The following NTM variants were observed in gnomAD, a reference collection of about 807,000 sequenced individuals.
NTM encodes the protein neurotrimin, also known as IgLON family member 2.
Under a neutral mutation model 42.1 loss-of-function variants are expected in NTM, and 13 were observed. The ratio of observed to expected loss-of-function variants is 0.31; its 90% CI spans 0.20 to 0.49. The LOEUF (loss-of-function observed/expected upper bound fraction) is 0.49, where lower values mean the gene tolerates loss of function less well. Ranked by LOEUF, NTM falls within the 20% of genes least tolerant of loss-of-function variation. NTM has a pLI of 0.99. For missense variants in NTM, 373 were observed against 452.8 expected, an observed-to-expected ratio of 0.82 and a Z score of 1.60; for synonymous variants, 187 against 179.2, an observed-to-expected ratio of 1.04 and a Z score of -0.35.
chr11:132,307,744 G>A lies in NTM; in HGVS notation c.582G>A (p.Glu194=), dbSNP rs188039594. The A allele has an allele frequency of 3.6e-5, 58 of 1,614,206 alleles. No individual in the cohort carries two copies. The highest frequency in any genetic ancestry group is 1.2e-4 in the Admixed American group (7 of 60,030). The change falls in exon 5 of 9, where the codon GAG becomes GAA. Residue 194 remains glutamate, a synonymous_variant. Transcript: ENST00000683400. Reference sequence around the variant, plus strand: ...TGGAAATTCAGGGCATCACCAGGGAGCAGTCAGGGGACTACGAGTGCAGTG... The same window carrying A: ...TGGAAATTCAGGGCATCACCAGGGAACAGTCAGGGGACTACGAGTGCAGTG... ...EYLEIQGITR[E]QSGDYECSAS... is the part of the protein sequence containing the mutation.
chr11:131,381,318 CT>C (rs1942651210), intron 1 of NTM, among the ~76,000 whole-genome samples: 6 of 152,180 alleles, frequency 3.9e-5, no homozygotes, highest in Admixed American at 6.5e-5. Context: ...CACTAGAGTA[CT>C]TGACTTTCTT....
At chr11:132,190,238 T>C (rs2079082373) in intron 3 of NTM, among the ~76,000 whole-genome samples, 2 of 152,114 alleles carry the variant, frequency 1.3e-5, no homozygotes, top group South Asian at 4.1e-4. Flanking sequence ...GAGAGTGTCA[T>C]GAGCCATACT....
At chr11:131,432,077 C>T (rs1222299865) in intron 1 of NTM, among the ~76,000 whole-genome samples, 1 of 152,082 alleles carries the variant, frequency 6.6e-6, no homozygotes, top group African/African-American at 2.4e-5. Flanking sequence ...AAGATTTAGC[C>T]CTCTGCATTT....
intron 1 of NTM, among the ~76,000 whole-genome samples, chr11:131,866,759 A>G (rs577237107): frequency 6.6e-6 from 1 of 152,338 alleles, no homozygotes; most frequent in Admixed American, 6.5e-5. Flanking sequence ...GCAGCTATTA[A>G]GAGATGTGAC....
chr11:131,816,920 C>T (rs2092976426), intron 1 of NTM, among the ~76,000 whole-genome samples: 1 of 152,146 alleles, frequency 6.6e-6, no homozygotes, highest in South Asian at 2.1e-4. Context: ...TACATGTATT[C>T]TGAGTGGGTT....
chr11:131,706,597 A>C (rs1197048733), intron 1 of NTM, among the ~76,000 whole-genome samples: 1 of 152,060 alleles, frequency 6.6e-6, no homozygotes, highest in African/African-American at 2.4e-5. Flanking sequence ...CCTTCAATCA[A>C]GTCTTAAACA....
At chr11:131,683,420 G>C (rs2073317261) in intron 1 of NTM, among the ~76,000 whole-genome samples, 2 of 152,318 alleles carry the variant, frequency 1.3e-5, no homozygotes, top group South Asian at 4.1e-4. Flanking sequence ...TCCCCTCTTG[G>C]GAAATGAAGG....
At chr11:131,468,171 C>T (rs1565533160) in intron 1 of NTM, among the ~76,000 whole-genome samples, 2 of 152,186 alleles carry the variant, frequency 1.3e-5, no homozygotes, top group Non-Finnish European at 2.9e-5. Context: ...CTTTGCCTGC[C>T]CCCCTTCCTG....
chr11:131,970,718 A>G (rs1224493419), intron 2 of NTM, among the ~76,000 whole-genome samples: 1 of 151,992 alleles, frequency 6.6e-6, no homozygotes, highest in African/African-American at 2.4e-5. Context: ...ATTCTTCATT[A>G]TTTTTACCAC....
At chr11:131,492,775 C>T (rs899673597) in intron 1 of NTM, among the ~76,000 whole-genome samples, 5 of 152,120 alleles carry the variant, frequency 3.3e-5, no homozygotes, top group African/African-American at 4.8e-5. Context: ...ATGATGTGAA[C>T]GTTAATTTGC....
At chr11:132,196,270 T>A (rs1215884256) in intron 3 of NTM, among the ~76,000 whole-genome samples, 2 of 152,140 alleles carry the variant, frequency 1.3e-5, no homozygotes, top group East Asian at 1.9e-4. Flanking sequence ...CCAGTCAGAA[T>A]GCTATTATTA....
At chr11:132,044,203 TG>T (rs902350275) in intron 2 of NTM, among the ~76,000 whole-genome samples, 2 of 151,898 alleles carry the variant, frequency 1.3e-5, no homozygotes, top group Non-Finnish European at 2.9e-5. Flanking sequence ...ATCATTTAAA[TG>T]GGTCTTATGC....
chr11:132,012,982 T>C (rs1256454913), intron 2 of NTM, among the ~76,000 whole-genome samples: 1 of 152,120 alleles, frequency 6.6e-6, no homozygotes, highest in African/African-American at 2.4e-5. Context: ...ATTTTGGACT[T>C]ACTGTGTTTG....
chr11:132,275,380 T>C (rs959825306), intron 4 of NTM, among the ~76,000 whole-genome samples: 1 of 152,112 alleles, frequency 6.6e-6, no homozygotes, highest in African/African-American at 2.4e-5. Flanking sequence ...AACTATTCTC[T>C]TCCATCAATG....
At chr11:131,843,708 G>A (rs773285385) in intron 1 of NTM, among the ~76,000 whole-genome samples, 11 of 152,120 alleles carry the variant, frequency 7.2e-5, no homozygotes, top group Non-Finnish European at 1.5e-4. Context: ...CATGCGAATA[G>A]GCAATTTTCT....
chr11:131,812,019 C>T (rs1655015114), intron 1 of NTM, among the ~76,000 whole-genome samples: 1 of 152,178 alleles, frequency 6.6e-6, no homozygotes, highest in Admixed American at 6.5e-5. Flanking sequence ...CAAACCAAGA[C>T]ATTCCACGGC....
At chr11:132,045,588 A>G (rs2077871477) in intron 2 of NTM, among the ~76,000 whole-genome samples, 1 of 152,190 alleles carries the variant, frequency 6.6e-6, no homozygotes, top group Non-Finnish European at 1.5e-5. Context: ...TTCATGATTC[A>G]TCCACCATTT....
At chr11:131,403,434 C>T (rs1273383988) in intron 1 of NTM, among the ~76,000 whole-genome samples, 1 of 152,136 alleles carries the variant, frequency 6.6e-6, no homozygotes, top group East Asian at 1.9e-4. Context: ...TGGCAAAAAT[C>T]TCAAGTCTGC....
At chr11:131,867,391 G>A (rs575072819) in intron 1 of NTM, among the ~76,000 whole-genome samples, 7 of 152,164 alleles carry the variant, frequency 4.6e-5, no homozygotes, top group African/African-American at 1.4e-4. Context: ...GTGTGTGACC[G>A]TGTGTGTCTG....
Sources: gnomAD v4.1 joint callset for allele counts (sites outside exome capture counted in the v4.1 genomes callset) on GRCh38, gnomAD v4.1.1 for gene constraint, MANE v1.5 for transcripts, NCBI Gene and HGNC (gene_info 2026-07-23, HGNC 2026-07-21) for gene names.